AGTPBP1: variants seen among roughly 807,000 people sequenced by gnomAD.
The protein encoded by AGTPBP1 is ATP/GTP binding carboxypeptidase 1, also known as cytosolic carboxypeptidase 1.
In AGTPBP1, 70 loss-of-function variants were observed where a neutral mutation model predicts 143.9. The ratio of observed to expected loss-of-function variants is 0.49; its 90% CI spans 0.40 to 0.59. The LOEUF (loss-of-function observed/expected upper bound fraction) is 0.59. Among genes scored for constraint, AGTPBP1 ranks in the 20% least tolerant of loss-of-function variants. AGTPBP1 has a pLI of 0.00. For missense variants in AGTPBP1, 1,229 were observed against 1,464.5 expected, an observed-to-expected ratio of 0.84 and a Z score of 2.62; for synonymous variants, 463 against 500.2, an observed-to-expected ratio of 0.93 and a Z score of 0.99.
the AGTPBP1 span, among the ~76,000 whole-genome samples, chr9:85,760,819 G>GCC: frequency 6.6e-6 from 1 of 152,130 alleles, no homozygotes; most frequent in Non-Finnish European, 1.5e-5. Flanking sequence ...AGGAAAAGAG[G>GCC]AAGTCAAATT....
chr9:85,669,772 G>A (rs749229087), intron 7 of AGTPBP1, among the ~76,000 whole-genome samples, 194 bp from the exon 8 acceptor site: 3 of 147,890 alleles, frequency 2.0e-5, no homozygotes, highest in South Asian at 2.1e-4. Context: ...GAAAGTGCAG[G>A]GAAATTCTGA....
chr9:85,651,532 G>A (rs1472824942), intron 11 of AGTPBP1, among the ~76,000 whole-genome samples: 1 of 152,040 alleles, frequency 6.6e-6, no homozygotes, highest in African/African-American at 2.4e-5. Context: ...GTATTATATA[G>A]TTAACAGATT....
At chr9:85,623,980 T>A (rs62566937) in intron 14 of AGTPBP1, among the ~76,000 whole-genome samples, 2,472 of 152,308 alleles carry the variant, frequency 0.016, 29 homozygotes, top group Middle Eastern at 0.054. Context: ...TGGAAAGGAA[T>A]AATTTATGCA....
intron 1 of AGTPBP1, among the ~76,000 whole-genome samples, chr9:85,726,131 G>T (rs1268171694): frequency 6.7e-6 from 1 of 148,820 alleles, no homozygotes; most frequent in African/African-American, 2.5e-5. Context: ...ATGGGAGGGT[G>T]AGGTAGAAGG....
chr9:85,602,369 G>C (rs1177272070), intron 17 of AGTPBP1, among the ~76,000 whole-genome samples: 1 of 152,064 alleles, frequency 6.6e-6, no homozygotes, highest in Admixed American at 6.5e-5. Flanking sequence ...ATATATTAGA[G>C]AGCTTTGACA....
At chr9:85,667,907 A>AT (rs987933454) in intron 8 of AGTPBP1, among the ~76,000 whole-genome samples, 1 of 151,174 alleles carries the variant, frequency 6.6e-6, no homozygotes, top group African/African-American at 2.4e-5. Flanking sequence ...CAACTGTAAA[A>AT]AAAAAAAAAA....
At chr9:85,605,732 T>C (rs1037348704) in intron 17 of AGTPBP1, among the ~76,000 whole-genome samples, 2 of 151,810 alleles carry the variant, frequency 1.3e-5, no homozygotes, top group African/African-American at 4.8e-5. Flanking sequence ...CAACAAAAAG[T>C]CAAAAAGTGA....
chr9:85,666,229 A>T (rs1834122970), intron 8 of AGTPBP1, among the ~76,000 whole-genome samples: 1 of 152,124 alleles, frequency 6.6e-6, no homozygotes, highest in Non-Finnish European at 1.5e-5. Context: ...ACCTATGGGG[A>T]AACTCAAAAA....
chr9:85,655,444 AT>A (rs2133934290), intron 10 of AGTPBP1, 124 bp from the exon 11 acceptor site: 1 of 806,380 alleles, frequency 1.2e-6, no homozygotes, highest in South Asian at 2.1e-5. Context: ...AAAAACCAAT[AT>A]TTTAACACAG....
In AGTPBP1 at chr9:85,666,418, G is replaced by C. The variant is rs145872726; in HGVS notation, c.662+3067C>G. Among the ~76,000 whole-genome samples the C allele has an allele frequency of 3.9e-3, 596 of 152,234 alleles. 3 individuals are homozygous for C. Among genetic ancestry groups the C allele is most frequent in the African/African-American group, 5.3e-3 (220 of 41,562 alleles). On this transcript the variant is annotated intron_variant, in intron 8 of 25. Transcript: ENST00000357081. The stretch of plus-strand genomic sequence containing the variant: ...GGAAGAAATACAACAGAAAGCGTTA[G>C]ATGTCTGAGGTTTTTAGTTAATTAG...
intron 13 of AGTPBP1, among the ~76,000 whole-genome samples, chr9:85,641,601 G>A (rs1054548246): frequency 5.3e-5 from 8 of 152,096 alleles, no homozygotes; most frequent in African/African-American, 9.7e-5. Context: ...TGCAGAAGGT[G>A]GACAGTTGTT....
At chr9:85,734,748 C>T (rs1003873276) in intron 1 of AGTPBP1, among the ~76,000 whole-genome samples, 1 of 152,152 alleles carries the variant, frequency 6.6e-6, no homozygotes. Context: ...GGCAATTCCA[C>T]TTCCGGGTAT....
chr9:85,593,099 A>G (rs1283012153), intron 18 of AGTPBP1, among the ~76,000 whole-genome samples: 1 of 152,128 alleles, frequency 6.6e-6, no homozygotes, highest in Non-Finnish European at 1.5e-5. Flanking sequence ...TCACTAATCA[A>G]TCTTAAGATT....
chr9:85,599,168 TGAGAGAGG>T (rs1021754514), intron 17 of AGTPBP1, among the ~76,000 whole-genome samples: 24 of 108,358 alleles, frequency 2.2e-4, no homozygotes, highest in South Asian at 1.4e-3. Flanking sequence ...AGGGAGCAGG[TGAGAGAGG>T]GAGAGAGGGA....
At chr9:85,645,738 T>C (rs1196704509) in intron 12 of AGTPBP1, among the ~76,000 whole-genome samples, 2 of 152,230 alleles carry the variant, frequency 1.3e-5, no homozygotes, top group East Asian at 3.9e-4. Context: ...TAGTCCTCTC[T>C]CTATAAATAA....
chr9:85,579,622 G>C (rs1222543212), intron 23 of AGTPBP1, among the ~76,000 whole-genome samples: 1 of 149,690 alleles, frequency 6.7e-6, no homozygotes, highest in East Asian at 2.0e-4. Flanking sequence ...GGGGGTGTAA[G>C]GCTATGACTA....
At chr9:85,673,239 T>C (rs1288444418) in intron 6 of AGTPBP1, among the ~76,000 whole-genome samples, 1 of 151,840 alleles carries the variant, frequency 6.6e-6, no homozygotes, top group Non-Finnish European at 1.5e-5. Context: ...GACAGGGGGA[T>C]AGGGAAGGAG....
intron 17 of AGTPBP1, among the ~76,000 whole-genome samples, chr9:85,617,815 G>C (rs927824150): frequency 6.6e-6 from 1 of 152,050 alleles, no homozygotes; most frequent in Non-Finnish European, 1.5e-5. Flanking sequence ...GATAGTAAGA[G>C]AATACCACAA....
chr9:85,720,260 G>A (rs1385616027), intron 1 of AGTPBP1, among the ~76,000 whole-genome samples: 2 of 152,136 alleles, frequency 1.3e-5, no homozygotes, highest in East Asian at 1.9e-4. Flanking sequence ...TTGTACCTCT[G>A]GTAGAATTTG....
Sources: allele counts gnomAD v4.1 joint callset (sites outside exome capture counted in the v4.1 genomes callset), GRCh38; gene constraint gnomAD v4.1.1; transcripts MANE v1.5; gene names NCBI Gene and HGNC (gene_info 2026-07-23, HGNC 2026-07-21).